PITPNM3: variants seen among roughly 807,000 people sequenced by gnomAD.
PITPNM3 encodes the protein PITPNM family member 3, also known as membrane-associated phosphatidylinositol transfer protein 3.
PITPNM3 carries 26 observed loss-of-function variants against 102.0 expected under a neutral mutation model. The observed-to-expected ratio is 0.25, with a 90% CI of 0.19 to 0.35. The LOEUF is 0.35. Among genes scored for constraint, PITPNM3 ranks in the 10% least tolerant of loss-of-function variants. The pLI is 1.00. For missense variants in PITPNM3, 1,083 were observed against 1,346.1 expected (o/e 0.80, Z 3.06); for synonymous variants, 578 against 558.6 (o/e 1.03, Z -0.49).
rs977117631 is a variant in PITPNM3 at position 6,525,517 on chromosome 17, C to T, written c.119-54G>A. On this transcript the variant is annotated intron_variant, in intron 2 of 19. Coordinates refer to ENST00000262483, the MANE Select transcript of PITPNM3 (RefSeq NM_031220.4). ...GCAGGTGCAGCTAGGGATAGGTAGC[C>T]CTATCAGGAGCTTATGTCTGAGGGA... is the stretch of plus-strand genomic sequence containing the variant. 2.2e-6 allele frequency: 3 copies of T among 1,344,468 alleles called. No individual in the cohort carries two copies. In the African/African-American group the frequency reaches 4.3e-5, roughly 19 times the overall value. 83.3% of individuals were successfully genotyped at this position (1,344,468 alleles called of 1,614,324 possible). A position where few individuals can be genotyped will look rare whatever the true frequency, so the allele number is the denominator to read the frequency against.
chr17:6,489,953 G>A (rs1906349595), intron 4 of PITPNM3, among the ~76,000 whole-genome samples: 3 of 151,034 alleles, frequency 2.0e-5, no homozygotes, highest in Admixed American at 6.6e-5. Context: ...GCAGTGAGCC[G>A]AGATCACACC....
At chr17:6,500,021 G>A (rs34550559) in intron 4 of PITPNM3, among the ~76,000 whole-genome samples, 27,295 of 152,150 alleles carry the variant, frequency 0.18, 2,554 homozygotes, top group Non-Finnish European at 0.19. Flanking sequence ...ATGAGCCACC[G>A]CACCTGGCAC....
intron 3 of PITPNM3, among the ~76,000 whole-genome samples, chr17:6,522,889 G>A (rs1236062339): frequency 6.6e-6 from 1 of 152,130 alleles, no homozygotes; most frequent in Non-Finnish European, 1.5e-5. Flanking sequence ...GGAATGACAA[G>A]GCCATCCTGC....
At chr17:6,474,287 A>C (rs1597369858) in intron 10 of PITPNM3, 145 bp downstream of exon 10, 1 of 1,161,092 alleles carries the variant, frequency 8.6e-7, no homozygotes, top group East Asian at 2.6e-5. Context: ...CCTCTTCCCC[A>C]CCCTCTCTCC....
chr17:6,505,134 C>T (rs1299573203), intron 3 of PITPNM3, among the ~76,000 whole-genome samples: 1 of 150,900 alleles, frequency 6.6e-6, no homozygotes, highest in Admixed American at 6.6e-5. Flanking sequence ...CGAGATCACG[C>T]CACTGCACTC....
In PITPNM3 at chr17:6,471,504, CT is replaced by C. The variant is rs1049376053; in HGVS notation, c.1430-150del. The C allele has an allele frequency of 3.0e-4, 240 of 792,242 alleles. 1 individual carries two copies. Among genetic ancestry groups the C allele is most frequent in the Middle Eastern group, 3.0e-3 (8 of 2,710 alleles). The allele number at this position is 792,242 out of a possible 1,614,324, so 49.1% of individuals were successfully genotyped here. A position where few individuals can be genotyped will look rare whatever the true frequency, so the allele number is the denominator to read the frequency against. On this transcript the variant is annotated intron_variant, in intron 11 of 19. Transcript: ENST00000262483. ...TTGCCAGCCCAGCAGGCACCTGCCC[CT>C]CTCACTGTGCCCACCCCACCAGTCC...
At chr17:6,527,906 G>A (rs1467329279) in intron 2 of PITPNM3, among the ~76,000 whole-genome samples, 2 of 152,220 alleles carry the variant, frequency 1.3e-5, no homozygotes, top group East Asian at 3.9e-4. Flanking sequence ...GAACCCTGTG[G>A]GGTCTCCCAG....
At chr17:6,497,670 G>A (rs894213030) in intron 4 of PITPNM3, among the ~76,000 whole-genome samples, 11 of 152,192 alleles carry the variant, frequency 7.2e-5, no homozygotes, top group African/African-American at 2.2e-4. Context: ...AGCTGCCTGC[G>A]GCCCTCACCC....
intron 1 of PITPNM3, among the ~76,000 whole-genome samples, chr17:6,544,623 G>A (rs1567696645): frequency 2.1e-5 from 2 of 95,572 alleles, no homozygotes; most frequent in African/African-American, 4.7e-5. Context: ...CATTTGAATG[G>A]TGTCTCTCTC....
intron 9 of PITPNM3, among the ~76,000 whole-genome samples, chr17:6,474,876 C>T (rs1567666619): frequency 1.3e-5 from 2 of 152,236 alleles, no homozygotes; most frequent in South Asian, 4.1e-4. Flanking sequence ...GTGTGGTCTC[C>T]ATTGCATCTA....
intron 1 of PITPNM3, among the ~76,000 whole-genome samples, chr17:6,550,256 T>G (rs1158408848): frequency 2.0e-5 from 3 of 152,224 alleles, no homozygotes; most frequent in Non-Finnish European, 2.9e-5. Context: ...CCTCTAACTT[T>G]ATGTGTGATT....
intron 3 of PITPNM3, among the ~76,000 whole-genome samples, chr17:6,507,710 C>T (rs1907619670): frequency 6.6e-6 from 1 of 152,212 alleles, no homozygotes; most frequent in South Asian, 2.1e-4. Context: ...ACAGACACTT[C>T]TGGCATTTCT....
intron 3 of PITPNM3, among the ~76,000 whole-genome samples, chr17:6,516,528 C>A (rs563123747): frequency 5.4e-4 from 77 of 141,844 alleles, no homozygotes; most frequent in African/African-American, 1.8e-3. Flanking sequence ...GGTGCCACTG[C>A]ACTCCAGCGT....
At chr17:6,516,348 G>A (rs1333852458) in intron 3 of PITPNM3, among the ~76,000 whole-genome samples, 2 of 152,156 alleles carry the variant, frequency 1.3e-5, no homozygotes, top group African/African-American at 2.4e-5. Flanking sequence ...CGGATCATGA[G>A]GTCAGGAGAT....
rs78634598 is a variant in PITPNM3 at position 6,494,781 on chromosome 17, C to T, written c.274+8746G>A. 5.3e-3 allele frequency among the ~76,000 whole-genome samples: 814 copies of T among 152,276 alleles called. 8 individuals carry two copies. Among genetic ancestry groups the T allele is most frequent in the Middle Eastern group, 0.01 (3 of 294 alleles). Reference sequence around the variant, plus strand: ...ATTCAACATGCAAAATGCCTTTGACCCAGCAATTCCAAGCCCATGTGCAAA... The same window carrying T: ...ATTCAACATGCAAAATGCCTTTGACTCAGCAATTCCAAGCCCATGTGCAAA... On this transcript the variant is annotated intron_variant, in intron 4 of 19. Transcript: ENST00000262483.
chr17:6,479,324 G>A (rs1447970938), intron 6 of PITPNM3: 5 of 154,056 alleles, frequency 3.2e-5, no homozygotes, highest in Admixed American at 2.5e-4. Flanking sequence ...TGACCCCCGA[G>A]GGGGCTGAAA....
At position 6,463,720 on chromosome 17, in the gene PITPNM3, G is replaced by A; in HGVS notation, c.2306+12C>T. Reference sequence around the variant, plus strand: ...CCAGGGAGATATAGCCCTCGTGGAAGGTGGCACTCACCGGACAACATCCAC... The same window carrying A: ...CCAGGGAGATATAGCCCTCGTGGAAAGTGGCACTCACCGGACAACATCCAC... On this transcript the variant is annotated intron_variant, in intron 17 of 19. Coordinates refer to ENST00000262483, the MANE Select transcript of PITPNM3 (RefSeq NM_031220.4). 1 of 1,610,550 alleles carries A rather than the reference G, an allele frequency of 6.2e-7. No homozygotes were observed.
chr17:6,476,159 G>A (rs935209997), intron 9 of PITPNM3, among the ~76,000 whole-genome samples: 4 of 151,774 alleles, frequency 2.6e-5, no homozygotes, highest in African/African-American at 9.7e-5. Context: ...AATATAAAGG[G>A]TTTTTTTAAA....
intron 2 of PITPNM3, among the ~76,000 whole-genome samples, chr17:6,534,463 C>A (rs1470910272): frequency 6.6e-6 from 1 of 152,192 alleles, no homozygotes; most frequent in African/African-American, 2.4e-5. Flanking sequence ...AACCCCATTG[C>A]CAGGCCAAAG....
Sources: gnomAD v4.1 joint callset for allele counts (sites outside exome capture counted in the v4.1 genomes callset) on GRCh38, gnomAD v4.1.1 for gene constraint, MANE v1.5 for transcripts, NCBI Gene and HGNC (gene_info 2026-07-23, HGNC 2026-07-21) for gene names.